The following FOXK2 variants were observed in gnomAD, a reference collection of about 807,000 sequenced individuals.
The protein encoded by FOXK2 is forkhead box K2, also known as forkhead box protein K2.
Under a neutral mutation model 53.3 loss-of-function variants are expected in FOXK2, and 24 were observed. The observed-to-expected ratio is 0.45, with a 90% CI of 0.33 to 0.63. The LOEUF is 0.63. Among genes scored for constraint, FOXK2 ranks in the 30% least tolerant of loss-of-function variants. The pLI, the probability that FOXK2 is intolerant of heterozygous loss-of-function variation, is 0.03. For synonymous variants in FOXK2, 505 were observed against 407.1 expected, an observed-to-expected ratio of 1.24 and a Z score of -2.89; for missense variants, 952 against 910.5, an observed-to-expected ratio of 1.05 and a Z score of -0.59.
intron 1 of FOXK2, among the ~76,000 whole-genome samples, chr17:82,541,169 G>A (rs1319148435): frequency 2.0e-5 from 3 of 152,144 alleles, no homozygotes; most frequent in Non-Finnish European, 4.4e-5. Flanking sequence ...GGGCGTGCAG[G>A]GACAGGGACA....
At chr17:82,567,113 C>T (rs887980833) in intron 2 of FOXK2, among the ~76,000 whole-genome samples, 1 of 152,152 alleles carries the variant, frequency 6.6e-6, no homozygotes, top group Admixed American at 6.5e-5. Flanking sequence ...CCTCCTCCCC[C>T]CCACCTCTCC....
intron 1 of FOXK2, among the ~76,000 whole-genome samples, chr17:82,529,537 G>A (rs543115561): frequency 3.3e-5 from 5 of 151,910 alleles, no homozygotes; most frequent in East Asian, 1.9e-4. Flanking sequence ...TTACAGGCGC[G>A]TGCCCACTCC....
chr17:82,545,461 A>T (rs922702347), intron 1 of FOXK2, among the ~76,000 whole-genome samples: 1 of 152,164 alleles, frequency 6.6e-6, no homozygotes, highest in Non-Finnish European at 1.5e-5. Flanking sequence ...AGTAACGTGG[A>T]TATACAACGA....
At chr17:82,549,816 G>T (rs537426944) in intron 1 of FOXK2, among the ~76,000 whole-genome samples, 16 of 152,298 alleles carry the variant, frequency 1.1e-4, no homozygotes, top group African/African-American at 3.9e-4. Flanking sequence ...GAGGACATCC[G>T]CCATTTCCTA....
Position 82,586,199 on chromosome 17 carries a change from A to C in FOXK2, c.1575A>C (p.Lys525Asn), listed in dbSNP as rs2045142951. Residue 525 changes from lysine to asparagine, a missense_variant and splice_region_variant, in exon 7 of 9, where the codon AAA becomes AAC. Lys to Asn is a moderately conservative substitution (Grantham distance 94). Transcript: ENST00000335255. ...AGAATGGAGACCACAGGGAAGTCAA[A>C]GGTAGGCGGAGGGGAAAGGAGGAGA... ...AQENGDHREV[K>N]VKVEPIPAIG... 2 of 1,571,054 alleles carry C rather than the reference A, an allele frequency of 1.3e-6. No individual in the cohort carries two copies. The highest frequency in any genetic ancestry group is 1.7e-5 in the Admixed American group (1 of 57,426).
chr17:82,563,326 G>A (rs944328742), intron 1 of FOXK2, 28 bp from the exon 2 acceptor site: 24 of 1,601,596 alleles, frequency 1.5e-5, no homozygotes, highest in Non-Finnish European at 2.0e-5. Flanking sequence ...ACAGCAAAAG[G>A]TGCTGATGGT....
intron 8 of FOXK2, among the ~76,000 whole-genome samples, chr17:82,588,698 A>G (rs1598235391): frequency 6.6e-6 from 1 of 152,058 alleles, no homozygotes; most frequent in Non-Finnish European, 1.5e-5. Context: ...AGGTCTGCCA[A>G]GAGCCTCCGG....
chr17:82,588,824 G>C (rs1266495824), intron 8 of FOXK2, among the ~76,000 whole-genome samples: 1 of 151,474 alleles, frequency 6.6e-6, no homozygotes, highest in African/African-American at 2.4e-5. Flanking sequence ...GTCGAGGTGG[G>C]TGGATCACGA....
intron 1 of FOXK2, among the ~76,000 whole-genome samples, chr17:82,551,892 G>A (rs2044680553): frequency 6.6e-6 from 1 of 152,104 alleles, no homozygotes; most frequent in African/African-American, 2.4e-5. Context: ...GGGCAGGGGA[G>A]CCCATTCCTG....
At chr17:82,548,169 C>T (rs1343463237) in intron 1 of FOXK2, among the ~76,000 whole-genome samples, 3 of 152,170 alleles carry the variant, frequency 2.0e-5, no homozygotes, top group Non-Finnish European at 4.4e-5. Flanking sequence ...GTGGTGGGGC[C>T]AGGTGGTCAG....
At position 82,601,334 on chromosome 17, in the gene FOXK2, A is replaced by G. The variant is rs2045380638; in HGVS notation, c.1818A>G (p.Thr606=). 6.2e-7 allele frequency: 1 copy of G among 1,613,112 alleles called. No homozygotes were observed. Among genetic ancestry groups the G allele is most frequent in the African/African-American group, 1.3e-5 (1 of 75,042 alleles). Residue 606 remains threonine, a synonymous_variant, in exon 9 of 9, where the codon ACA becomes ACG. Coordinates refer to ENST00000335255, the MANE Select transcript of FOXK2 (RefSeq NM_004514.4). The part of the protein sequence containing the change: ...AAASPLHMLA[T]HASASASLPT... The stretch of plus-strand genomic sequence containing the variant: ...CGAGTCCTTTGCACATGTTGGCAAC[A>G]CACGCATCCGCATCGGCCTCCCTGC...
In FOXK2 at chr17:82,520,041, G is replaced by C; in HGVS notation, c.153G>C (p.Lys51Asn). ...GCGAGTTCGAGTATCTGATGAAGAA[G>C]CGCTCGGTGACCATCGGCCGCAACT... Reference protein sequence around the residue: ...EGREFEYLMKKRSVTIGRNSS... With the variant: ...EGREFEYLMKNRSVTIGRNSS... The change falls in exon 1 of 9, where the codon AAG (lysine) becomes AAC (asparagine). Residue 51 changes from lysine (K) to asparagine (N), a missense_variant. Lys to Asn is a moderately conservative substitution (Grantham distance 94). Coordinates refer to ENST00000335255, the MANE Select transcript of FOXK2 (RefSeq NM_004514.4). 2.0e-6 allele frequency: 3 copies of C among 1,519,668 alleles called. No individual in the cohort carries two copies. Among genetic ancestry groups the C allele is most frequent in the Non-Finnish European group, 2.6e-6 (3 of 1,134,614 alleles). 94.1% of individuals were successfully genotyped at this position (1,519,668 alleles called of 1,614,324 possible).
rs969443870 is a variant in FOXK2, at chr17:82,534,329, A to G, written c.419+14022A>G. Among the ~76,000 whole-genome samples, 8 of 152,194 alleles carry G rather than the reference A, an allele frequency of 5.3e-5. No homozygotes were observed. In the South Asian group the frequency reaches 1.0e-3, roughly 20 times the overall value. On this transcript the variant is annotated intron_variant, in intron 1 of 8. Coordinates refer to ENST00000335255, the MANE Select transcript of FOXK2 (RefSeq NM_004514.4). Reference sequence around the variant, plus strand: ...ACATGGACAAAATTTCTTGTGATTGAATAAAAATGTTCTAATAATGTGTGT... The same window carrying G: ...ACATGGACAAAATTTCTTGTGATTGGATAAAAATGTTCTAATAATGTGTGT...
intron 1 of FOXK2, among the ~76,000 whole-genome samples, chr17:82,550,060 G>A (rs925555541): frequency 3.3e-5 from 5 of 152,196 alleles, no homozygotes; most frequent in African/African-American, 9.7e-5. Context: ...ACAGGCAGGT[G>A]TGGTGGTACG....
At chr17:82,599,475 G>A (rs2045357585) in intron 8 of FOXK2, 1 of 152,288 alleles carries the variant, frequency 6.6e-6, no homozygotes, top group South Asian at 2.1e-4. Context: ...AAGGAGAAGG[G>A]AACACGATAA....
intron 1 of FOXK2, among the ~76,000 whole-genome samples, chr17:82,531,495 G>A (rs2044471743): frequency 6.6e-6 from 1 of 152,048 alleles, no homozygotes; most frequent in Non-Finnish European, 1.5e-5. Context: ...TCATTGTTGT[G>A]CGAACATCAT....
intron 8 of FOXK2, chr17:82,600,412 A>G (rs774022812): frequency 6.6e-6 from 1 of 152,384 alleles, no homozygotes; most frequent in African/African-American, 2.4e-5. Context: ...GAGGCCATCC[A>G]GGGCAGAGTG....
chr17:82,572,727 G>T (rs1293614917), intron 4 of FOXK2, among the ~76,000 whole-genome samples: 1 of 152,036 alleles, frequency 6.6e-6, no homozygotes, highest in Non-Finnish European at 1.5e-5. Context: ...AAGTAACCAG[G>T]AACATCTATA....
In FOXK2 at chr17:82,582,918, G is replaced by C. The variant is rs771534439; in HGVS notation, c.1087G>C (p.Gly363Arg). Reference sequence around the variant, plus strand: ...CGTGCCCTGCTTTAGAACCCCTCTGGGACCGCTCTCTTCTAGGTAAGGAAA... The same window carrying C: ...CGTGCCCTGCTTTAGAACCCCTCTGCGACCGCTCTCTTCTAGGTAAGGAAA... ...RGVPCFRTPL[G>R]PLSSRSAPAS... is the part of the protein sequence containing the mutation. Residue 363 changes from glycine to arginine, a missense_variant, in exon 5 of 9, where the codon GGA becomes CGA. Coordinates refer to ENST00000335255, the MANE Select transcript of FOXK2 (RefSeq NM_004514.4). The C allele has an allele frequency of 1.3e-6, 2 of 1,591,082 alleles. No individual in the cohort carries two copies. The highest frequency in any genetic ancestry group is 1.9e-5 in the Admixed American group (1 of 53,290).
Sources: allele counts gnomAD v4.1 joint callset (sites outside exome capture counted in the v4.1 genomes callset), GRCh38; gene constraint gnomAD v4.1.1; transcripts MANE v1.5; gene names NCBI Gene and HGNC (gene_info 2026-07-23, HGNC 2026-07-21).